Variants in MICA observed in about 807,000 individuals in gnomAD.
MICA encodes MHC class I polypeptide-related sequence A.
Under a neutral mutation model 34.3 loss-of-function variants are expected in MICA, and 18 were observed. That is an observed-to-expected ratio of 0.52 (90% CI 0.36 to 0.78). The LOEUF is 0.78. Among genes scored for constraint, MICA ranks in the 30% least tolerant of loss-of-function variants. The pLI is 0.00. For missense variants in MICA, 333 were observed against 409.4 expected, an observed-to-expected ratio of 0.81 and a Z score of 1.61; for synonymous variants, 135 against 156.9, an observed-to-expected ratio of 0.86 and a Z score of 1.04.
rs1432469687 is a variant in MICA at position 31,415,094 on chromosome 6, T to A, written c.*112T>A. 7.7e-7 allele frequency: 1 copy of A among 1,291,740 alleles called. No homozygotes were observed. The highest frequency in any genetic ancestry group is 1.1e-6 in the Non-Finnish European group (1 of 899,884). The allele number at this position is 1,291,740 out of a possible 1,614,324, so 80.0% of individuals were successfully genotyped here. On this transcript the variant is annotated 3_prime_UTR_variant, in exon 6 of 6. Coordinates refer to ENST00000449934, the MANE Select transcript of MICA (RefSeq NM_001177519.3). ...ATGCCACACAGCTCGGATTTCAGCCTCTGATGTCAGCTCTTGGGTCCACTG... is the reference window on the plus strand; with the variant it reads ...ATGCCACACAGCTCGGATTTCAGCCACTGATGTCAGCTCTTGGGTCCACTG...
rs762470610 is a variant in MICA, at chr6:31,411,953, C to T, written c.620C>T (p.Pro207Leu). Residue 207 changes from proline to leucine, a missense_variant, in exon 4 of 6, where the codon CCC becomes CTC. By Grantham distance (98) the Pro-to-Leu change is moderately conservative. Coordinates refer to ENST00000449934, the MANE Select transcript of MICA (RefSeq NM_001177519.3). The surrounding 1 kb of genome is among the most constrained non-coding windows in gnomAD (Gnocchi z 4.3). ...SGVVLRRTVP[P>L]MVNVTRSEAS... ...TCTGCCCTTTCTTCTCCAGTGCCCC[C>T]CATGGTGAATGTCACCCGCAGCGAG... 1 of 1,612,062 alleles carries T rather than the reference C, an allele frequency of 6.2e-7. No homozygotes were observed. Among genetic ancestry groups the T allele is most frequent in the South Asian group, 1.1e-5 (1 of 90,920 alleles).
chr6:31,403,214 A>T (rs1770537071), upstream of MICA, among the ~76,000 whole-genome samples: 1 of 151,666 alleles, frequency 6.6e-6, no homozygotes, highest in Non-Finnish European at 1.5e-5. The surrounding 1 kb of genome is among the most constrained non-coding windows in gnomAD (Gnocchi z 4.7). Context: ...AGCCAGTGAG[A>T]GCCGGTTTAA....
intron 4 of MICA, 42 bp downstream of exon 4, chr6:31,412,267 G>A: frequency 6.2e-7 from 1 of 1,606,326 alleles, no homozygotes; most frequent in Non-Finnish European, 8.5e-7. Flanking sequence ...GCCAGGGTAG[G>A]GACAGCAGGG....
chr6:31,412,226 G>A lies in MICA; in HGVS notation c.892+1G>A, dbSNP rs747802003. ...CACAGCACTCACCCTGTGCCCTCTG[G>A]TGAGCCTAGGGTGACCCTGGAGAGG... is the stretch of plus-strand genomic sequence containing the variant. On this transcript the variant is annotated splice_donor_variant, in intron 4 of 5. Coordinates refer to ENST00000449934, the MANE Select transcript of MICA (RefSeq NM_001177519.3). LOFTEE classifies it high-confidence loss of function. The A allele has an allele frequency of 1.3e-5, 21 of 1,596,676 alleles. No homozygotes were observed. In the Admixed American group the frequency reaches 1.5e-4, roughly 12 times the overall value.
chr6:31,409,309 C>CTGTGTGTG lies in MICA; in HGVS notation c.71-1228_71-1221dup, dbSNP rs35508435. Among the ~76,000 whole-genome samples the CTGTGTGTG allele has an allele frequency of 4.1e-3, 620 of 149,700 alleles. 19 individuals are homozygous for CTGTGTGTG. Among genetic ancestry groups the CTGTGTGTG allele is most frequent in the African/African-American group, 0.014 (566 of 40,798 alleles). ...TCTCTGTCTCTTTGCCAACCTTGCT[C>CTGTGTGTG]TGTGTGTGTGTGTATGTGTGTGTGT... On this transcript the variant is annotated intron_variant, in intron 1 of 5. Coordinates refer to ENST00000449934, the MANE Select transcript of MICA (RefSeq NM_001177519.3).
At chr6:31,403,436 T>A (rs1460469886), upstream of MICA, 11 of 504,306 alleles carry the variant, frequency 2.2e-5, no homozygotes, top group African/African-American at 4.1e-5. The surrounding 1 kb of genome is among the most constrained non-coding windows in gnomAD (Gnocchi z 4.7). Flanking sequence ...GCCTTCTAAA[T>A]CTCCCCAGGT....
rs1140700 is a variant in MICA, at chr6:31,412,040, T to C, written c.707T>C (p.Ile236Thr). 0.46 allele frequency: 730,800 copies of C among 1,601,904 alleles called. 177,143 individuals are homozygous for C. Among genetic ancestry groups the C allele is most frequent in the African/African-American group, 0.7 (52,192 of 74,466 alleles). ...TCCAGCTTCTATCCCCGGAATATCA[T>C]ACTGACCTGGCGTCAGGATGGGGTA... ...RASSFYPRNI[I>T]LTWRQDGVSL... Residue 236 changes from isoleucine (I) to threonine (T), a missense_variant, in exon 4 of 6, where the codon ATA becomes ACA. Transcript: ENST00000449934.
At chr6:31,403,544 T>A, upstream of MICA, 1 of 1,091,836 alleles carries the variant, frequency 9.2e-7, no homozygotes, top group Non-Finnish European at 1.2e-6. This position sits in a 1 kb window ranked among gnomAD's most constrained non-coding sequence, Gnocchi z 4.7. Context: ...GGATGAGCGG[T>A]CGGGGGACCG....
chr6:31,407,239 T>A (rs1350261693), intron 1 of MICA, among the ~76,000 whole-genome samples: 1 of 151,904 alleles, frequency 6.6e-6, no homozygotes, highest in African/African-American at 2.4e-5. Flanking sequence ...TCAGTGTTTT[T>A]TGTTTTTGGT....
chr6:31,410,284 C>A (rs1348374838), intron 1 of MICA, among the ~76,000 whole-genome samples: 1 of 151,966 alleles, frequency 6.6e-6, no homozygotes, highest in Admixed American at 6.6e-5. Flanking sequence ...CCCCTATTCC[C>A]TTAGGGGGCT....
At chr6:31,412,966 C>A (rs1771289749) in intron 5 of MICA, among the ~76,000 whole-genome samples, 1 of 151,554 alleles carries the variant, frequency 6.6e-6, no homozygotes, top group Admixed American at 6.6e-5. Context: ...GGGGCGGACA[C>A]CGAGAAAAAG....
upstream of MICA, chr6:31,402,399 G>A (rs1323282996): frequency 1.3e-5 from 2 of 152,142 alleles, no homozygotes; most frequent in Non-Finnish European, 2.9e-5. Flanking sequence ...ACCCTGGGGA[G>A]ATGTCACCAG....
chr6:31,408,177 C>T (rs1770847838), intron 1 of MICA, among the ~76,000 whole-genome samples: 1 of 151,942 alleles, frequency 6.6e-6, no homozygotes, highest in African/African-American at 2.4e-5. Context: ...ATCATCCTTG[C>T]ATACCTGGAA....
chr6:31,404,046 G>A (rs1262437998), intron 1 of MICA, among the ~76,000 whole-genome samples: 2 of 151,814 alleles, frequency 1.3e-5, no homozygotes, highest in East Asian at 3.9e-4. Context: ...TGGCATTCGA[G>A]TGCCCTTCCA....
At chr6:31,412,284 G>C in intron 4 of MICA, 41 bp from the exon 5 acceptor site, 1 of 1,605,692 alleles carries the variant, frequency 6.2e-7, no homozygotes, top group Non-Finnish European at 8.5e-7. Context: ...AGGGATGGCT[G>C]TGGCTCTCTG....
At position 31,411,873 on chromosome 6, in the gene MICA, A is replaced by G. The variant is rs1311878473; in HGVS notation, c.614-74A>G. ...GCTTCAGCCAGAGTGAGAACAGTGA[A>G]GAGAAACAGCCCTGTTCCTCTCCCC... On this transcript the variant is annotated intron_variant, in intron 3 of 5. Coordinates refer to ENST00000449934, the MANE Select transcript of MICA (RefSeq NM_001177519.3). The surrounding 1 kb of genome is among the most constrained non-coding windows in gnomAD (Gnocchi z 4.3). The G allele has an allele frequency of 7.8e-6, 12 of 1,539,796 alleles. No homozygotes were observed. Among genetic ancestry groups the G allele is most frequent in the Non-Finnish European group, 1.0e-5 (12 of 1,144,552 alleles).
At chr6:31,402,553 G>A (rs1159551015), upstream of MICA, among the ~76,000 whole-genome samples, 1 of 151,842 alleles carries the variant, frequency 6.6e-6, no homozygotes, top group African/African-American at 2.4e-5. Flanking sequence ...GGCAGGCACC[G>A]TGTTTAGGAA....
intron 1 of MICA, among the ~76,000 whole-genome samples, chr6:31,406,408 A>ATT (rs41293535): frequency 6.7e-6 from 1 of 150,120 alleles, no homozygotes; most frequent in African/African-American, 2.5e-5. Flanking sequence ...GGATTATTAT[A>ATT]TTTTTTTTCC....
In MICA at chr6:31,411,205, C is replaced by T. The variant is rs1771124097; in HGVS notation, c.459C>T (p.Pro153=). The T allele has an allele frequency of 1.2e-6, 2 of 1,613,252 alleles. No homozygotes were observed. Among genetic ancestry groups the T allele is most frequent in the African/African-American group, 1.3e-5 (1 of 74,676 alleles). ...QNLETEEWTV[P]QSSRAQTLAM... is the part of the protein sequence containing the mutation. ...TGGAGACTGAGGAATGGACAGTGCC[C>T]CAGTCCTCCAGAGCTCAGACCTTGG... The change falls in exon 3 of 6, where the codon CCC becomes CCT. Residue 153 remains proline (P), a synonymous_variant. Transcript: ENST00000449934. The surrounding 1 kb of genome is among the most constrained non-coding windows in gnomAD (Gnocchi z 4.3).
Sources: gnomAD v4.1 joint callset for allele counts (sites outside exome capture counted in the v4.1 genomes callset) on GRCh38, gnomAD v4.1.1 for gene constraint, Gnocchi (gnomAD v3.1) non-coding constraint, MANE v1.5 for transcripts, NCBI Gene and HGNC (gene_info 2026-07-23, HGNC 2026-07-21) for gene names.